The following ANK3 variants were observed in gnomAD, a reference collection of about 807,000 sequenced individuals.
The protein encoded by ANK3 is ankyrin 3.
A neutral mutation model predicts 370.9 loss-of-function variants in ANK3; 57 were observed. The observed-to-expected ratio is 0.15, with a 90% CI of 0.12 to 0.19. The LOEUF (loss-of-function observed/expected upper bound fraction) is 0.19, where lower values mean the gene tolerates loss of function less well. Among genes scored for constraint, ANK3 ranks in the 10% least tolerant of loss-of-function variants. The pLI, the probability that ANK3 is intolerant of heterozygous loss-of-function variation, is 1.00. For missense variants in ANK3, 4,439 were observed against 5,302.1 expected, an observed-to-expected ratio of 0.84 and a Z score of 5.06; for synonymous variants, 1,929 against 1,946.3, an observed-to-expected ratio of 0.99 and a Z score of 0.23.
At chr10:60,298,953 C>A (rs1316223767) in intron 1 of ANK3, among the ~76,000 whole-genome samples, 2 of 152,124 alleles carry the variant, frequency 1.3e-5, no homozygotes, top group Non-Finnish European at 2.9e-5. Context: ...GAATACACAT[C>A]AAAATTTAAC....
chr10:60,137,693 G>A (rs1013168436), intron 24 of ANK3, among the ~76,000 whole-genome samples: 11 of 152,022 alleles, frequency 7.2e-5, no homozygotes, highest in Non-Finnish European at 1.3e-4. Context: ...AAAAAATACA[G>A]TGCGATATTC....
At chr10:60,356,619 G>T (rs1299940771) in intron 1 of ANK3, among the ~76,000 whole-genome samples, 1 of 152,208 alleles carries the variant, frequency 6.6e-6, no homozygotes, top group African/African-American at 2.4e-5. Flanking sequence ...TCCTCCCGGA[G>T]AGATTTCCAG....
intron 1 of ANK3, among the ~76,000 whole-genome samples, chr10:60,619,900 G>A (rs1425805003): frequency 6.6e-6 from 1 of 152,076 alleles, no homozygotes; most frequent in Non-Finnish European, 1.5e-5. Context: ...CTCAGCAATT[G>A]CTCTCCAATA....
intron 1 of ANK3, among the ~76,000 whole-genome samples, chr10:60,684,223 G>A (rs1219103441): frequency 3.9e-5 from 6 of 152,176 alleles, no homozygotes; most frequent in Admixed American, 1.3e-4. Context: ...TTAGGGGCGC[G>A]CAGGCAGGGG....
intron 2 of ANK3, among the ~76,000 whole-genome samples, chr10:60,568,716 C>A (rs1014834340): frequency 6.6e-6 from 1 of 152,254 alleles, no homozygotes; most frequent in East Asian, 1.9e-4. Flanking sequence ...CTGCTATGGA[C>A]AAAATTGTGT....
intron 6 of ANK3, among the ~76,000 whole-genome samples, chr10:60,263,455 C>A (rs1029838947): frequency 2.6e-5 from 4 of 152,202 alleles, no homozygotes; most frequent in African/African-American, 9.6e-5. Context: ...CCTGGCCTGT[C>A]ATCTTGGGTA....
chr10:60,327,176 G>C (rs2050110711), intron 1 of ANK3, among the ~76,000 whole-genome samples: 1 of 152,164 alleles, frequency 6.6e-6, no homozygotes, highest in Admixed American at 6.5e-5. Flanking sequence ...AATGGAGGGC[G>C]AGGTGACAGT....
chr10:60,034,258 C>T (rs1305837844), intron 43 of ANK3, among the ~76,000 whole-genome samples: 1 of 152,050 alleles, frequency 6.6e-6, no homozygotes, highest in African/African-American at 2.4e-5. Flanking sequence ...AGGCGCCCAC[C>T]ACCATGCCTG....
chr10:60,687,551 C>T (rs1198595326), intron 1 of ANK3, among the ~76,000 whole-genome samples: 4 of 151,968 alleles, frequency 2.6e-5, no homozygotes, highest in African/African-American at 7.3e-5. Flanking sequence ...CACACACACA[C>T]ACATGCACAA....
intron 7 of ANK3, among the ~76,000 whole-genome samples, chr10:60,242,873 G>A (rs925411785): frequency 6.6e-6 from 1 of 152,072 alleles, no homozygotes. Flanking sequence ...TGAAAAATTT[G>A]ATTTTTTGAA....
chr10:60,710,750 C>T (rs553413582), intron 1 of ANK3, among the ~76,000 whole-genome samples: 20 of 152,292 alleles, frequency 1.3e-4, no homozygotes, highest in African/African-American at 4.6e-4. Flanking sequence ...AATGTGCCAT[C>T]AGCAAGCTGG....
intron 1 of ANK3, among the ~76,000 whole-genome samples, chr10:60,696,159 G>T (rs2079445964): frequency 6.7e-6 from 1 of 149,508 alleles, no homozygotes; most frequent in African/African-American, 2.5e-5. Context: ...TAGAAGTCAT[G>T]GATAAATTCC....
At position 60,213,749 on chromosome 10, in the gene ANK3, A is replaced by G. The variant is rs538043306; in HGVS notation, c.898-239T>C. ...AGTTTGAATATTGACGTTTAAATAT[A>G]TAACTTTTCCACTAGTCTTTTGAAT... On this transcript the variant is annotated intron_variant, in intron 8 of 43. Coordinates refer to ENST00000280772, the MANE Select transcript of ANK3 (RefSeq NM_020987.5). 3.9e-5 allele frequency among the ~76,000 whole-genome samples: 6 copies of G among 152,336 alleles called. No homozygotes were observed. In the South Asian group the frequency reaches 1.0e-3, roughly 26 times the overall value.
intron 14 of ANK3, among the ~76,000 whole-genome samples, chr10:60,197,629 T>C (rs2096608035): frequency 6.6e-6 from 1 of 152,250 alleles, no homozygotes; most frequent in Admixed American, 6.5e-5. Context: ...AGTTTTCTAT[T>C]TGTAATTGTC....
chr10:60,689,827 T>C (rs547904180), intron 1 of ANK3, among the ~76,000 whole-genome samples: 52 of 151,954 alleles, frequency 3.4e-4, no homozygotes, highest in African/African-American at 1.3e-3. Flanking sequence ...TAGATTTATA[T>C]AGATAAAACT....
intron 42 of ANK3, among the ~76,000 whole-genome samples, chr10:60,052,339 C>G (rs1199882270): frequency 6.6e-6 from 1 of 152,126 alleles, no homozygotes; most frequent in African/African-American, 2.4e-5. Flanking sequence ...ACAACAACAA[C>G]AACAACAAGT....
At chr10:60,043,079 G>T in intron 42 of ANK3, 1 of 1,065,006 alleles carries the variant, frequency 9.4e-7, no homozygotes, top group Non-Finnish European at 1.1e-6. Context: ...AGCTCACAAG[G>T]CAGCAGAATT....
intron 1 of ANK3, among the ~76,000 whole-genome samples, chr10:60,282,447 G>A (rs1379862777): frequency 6.6e-6 from 1 of 152,034 alleles, no homozygotes; most frequent in African/African-American, 2.4e-5. Flanking sequence ...ACCTATTTGG[G>A]ATCTGGATTC....
At chr10:60,341,393 T>G (rs2054248725) in intron 1 of ANK3, among the ~76,000 whole-genome samples, 1 of 152,102 alleles carries the variant, frequency 6.6e-6, no homozygotes. Flanking sequence ...GTCTTCTGAT[T>G]AAGTTTTTCA....
Sources: allele counts gnomAD v4.1 joint callset (sites outside exome capture counted in the v4.1 genomes callset), GRCh38; gene constraint gnomAD v4.1.1; transcripts MANE v1.5; gene names NCBI Gene and HGNC (gene_info 2026-07-23, HGNC 2026-07-21).